Variants in RPS3 observed in about 807,000 individuals in gnomAD.
RPS3 encodes small ribosomal subunit protein uS3.
In RPS3, 2 loss-of-function variants were observed where a neutral mutation model predicts 25.8. The ratio of observed to expected loss-of-function variants is 0.08; its 90% CI spans 0.03 to 0.24. The LOEUF (loss-of-function observed/expected upper bound fraction) is 0.24, where lower values mean the gene tolerates loss of function less well. RPS3 is among the 10% of genes least tolerant of loss of function. The pLI is 1.00. For synonymous variants in RPS3, 114 were observed against 114.2 expected (o/e 1.00, Z 0.01); for missense variants, 107 against 307.1 (o/e 0.35, Z 4.87).
Position 75,419,349 on chromosome 11 carries a change from T to C in RPS3, c.*4-2378T>C, listed in dbSNP as rs996495039. Among the ~76,000 whole-genome samples the C allele has an allele frequency of 2.0e-5, 3 of 151,414 alleles. No homozygotes were observed. The South Asian group carries it at 6.3e-4, about 32-fold the overall frequency. On this transcript the variant is annotated intron_variant, in intron 6 of 6. Transcript: ENST00000527446. ...CGGGTGGATCACCTGAGGTCAGGAG[T>C]TTGAGACTAGCCTGACCAACATGGT...
rs559146240 is a variant in RPS3, at chr11:75,415,756, A to G, written c.*4-5971A>G. On this transcript the variant is annotated intron_variant, in intron 6 of 6. Transcript: ENST00000527446. ...GGGAGGCAGAGGTTGCGGTGAGCCG[A>G]TATCGTGCCACTGCACTCCAGCCTG... Among the ~76,000 whole-genome samples the G allele has an allele frequency of 1.7e-3, 249 of 147,776 alleles. 8 individuals are homozygous for G. In the South Asian group the frequency reaches 0.052, roughly 31 times the overall value.
chr11:75,408,039 A>G (rs934905032), downstream of RPS3, among the ~76,000 whole-genome samples: 2 of 152,238 alleles, frequency 1.3e-5, no homozygotes, highest in Non-Finnish European at 2.9e-5. Flanking sequence ...GAATTATTGG[A>G]AGAAAGTGCT....
At position 75,399,620 on chromosome 11, in the gene RPS3, C is replaced by G. The variant is rs768505909; in HGVS notation, c.30+43C>G. The G allele has an allele frequency of 1.3e-5, 20 of 1,590,586 alleles. No homozygotes were observed. The South Asian group carries it at 2.1e-4, about 17-fold the overall frequency. ...GGGTTCGGAGAACGACGGCGCCGCG[C>G]GGGTCGAGGGCTTCTCGGGGTGCCA... On this transcript the variant is annotated intron_variant, in intron 1 of 6. Coordinates refer to ENST00000531188, the MANE Select transcript of RPS3 (RefSeq NM_001005.5).
chr11:75,415,362 C>T (rs552039658), intron 6 of RPS3, among the ~76,000 whole-genome samples: 1 of 152,316 alleles, frequency 6.6e-6, no homozygotes, highest in East Asian at 1.9e-4. Context: ...TCTATTCCCT[C>T]TGTTTGGAGA....
At chr11:75,410,321 C>T (rs1434685835), downstream of RPS3, among the ~76,000 whole-genome samples, 4 of 150,898 alleles carry the variant, frequency 2.7e-5, no homozygotes, top group Admixed American at 1.3e-4. Flanking sequence ...ACGGGGCGGC[C>T]GGGCAGAGGC....
At chr11:75,414,952 G>A (rs546633676) in intron 6 of RPS3, among the ~76,000 whole-genome samples, 2 of 152,224 alleles carry the variant, frequency 1.3e-5, no homozygotes, top group Non-Finnish European at 2.9e-5. Context: ...AGCGTAATGT[G>A]ATAATCTGGA....
chr11:75,413,250 T>TA (rs371529214), intron 6 of RPS3, among the ~76,000 whole-genome samples: 56,918 of 124,600 alleles, frequency 0.46, 10,925 homozygotes, highest in African/African-American at 0.57. Context: ...TATATATATA[T>TA]TTTTTTTTTT....
At chr11:75,410,332 G>A (rs561533851), downstream of RPS3, among the ~76,000 whole-genome samples, 11 of 151,784 alleles carry the variant, frequency 7.2e-5, no homozygotes, top group African/African-American at 2.4e-4. Context: ...GGGCAGAGGC[G>A]CTCCTCACAT....
Position 75,404,156 on chromosome 11 carries a change from C to G in RPS3, c.487C>G (p.Pro163Ala). The G allele has an allele frequency of 6.2e-7, 1 of 1,614,108 alleles. No homozygotes were observed. Residue 163 changes from proline (P) to alanine (A), a missense_variant, in exon 5 of 7, where the codon CCT (proline) becomes GCT (alanine). By Grantham distance (27) the Pro-to-Ala change is conservative. Transcript: ENST00000531188. The surrounding 1 kb of genome is among the most constrained non-coding windows in gnomAD (Gnocchi z 4.6). Reference sequence around the variant, plus strand: ...TGGCCTGATGATCCACAGCGGAGACCCTGTTAACTACTACGTTGACACTGC... The same window carrying G: ...TGGCCTGATGATCCACAGCGGAGACGCTGTTAACTACTACGTTGACACTGC... ...VDGLMIHSGDPVNYYVDTAVR... is the reference protein window; with the variant it reads ...VDGLMIHSGDAVNYYVDTAVR...
intron 1 of RPS3, chr11:75,400,361 C>T (rs764490195): frequency 1.5e-5 from 8 of 524,038 alleles, no homozygotes; most frequent in South Asian, 9.8e-5. Context: ...AGAGCAGTTT[C>T]TTGTTTTGCA....
At chr11:75,407,116 C>T (rs570359514), downstream of RPS3, among the ~76,000 whole-genome samples, 1 of 152,254 alleles carries the variant, frequency 6.6e-6, no homozygotes, top group South Asian at 2.1e-4. Flanking sequence ...TTTGAAAGAG[C>T]CTTTGATGAT....
chr11:75,401,499 A>G lies in RPS3; in HGVS notation c.162-141A>G, dbSNP rs1948209436. On this transcript the variant is annotated intron_variant, in intron 2 of 6. Transcript: ENST00000531188. ...AGTGAGACCCTGTCTCAAAAAAAAA[A>G]GCTGCGTTTTAAAAATTTTAGTTTT... 9.5e-6 allele frequency: 6 copies of G among 631,124 alleles called. No individual in the cohort carries two copies. In the South Asian group the frequency reaches 1.2e-4, roughly 12 times the overall value. The allele number at this position is 631,124 out of a possible 1,614,324, so 39.1% of individuals were successfully genotyped here.
intron 6 of RPS3, among the ~76,000 whole-genome samples, chr11:75,415,930 C>T (rs766790053): frequency 1.4e-5 from 2 of 146,802 alleles, no homozygotes; most frequent in East Asian, 2.0e-4. Flanking sequence ...GAGCCGCGAT[C>T]GTGCCACTGC....
chr11:75,414,877 T>C (rs1360953183), intron 6 of RPS3, among the ~76,000 whole-genome samples: 1 of 152,126 alleles, frequency 6.6e-6, no homozygotes, highest in East Asian at 1.9e-4. Context: ...GGACAGTGGA[T>C]AAAGGGTTTT....
chr11:75,413,363 TCTC>T (rs1442810735), intron 6 of RPS3, among the ~76,000 whole-genome samples: 1 of 152,176 alleles, frequency 6.6e-6, no homozygotes, highest in Non-Finnish European at 1.5e-5. Context: ...TTCACGCCAT[TCTC>T]CTGCCTCAGC....
chr11:75,410,921 G>A (rs1156812823), downstream of RPS3, among the ~76,000 whole-genome samples: 1 of 152,204 alleles, frequency 6.6e-6, no homozygotes, highest in Non-Finnish European at 1.5e-5. Flanking sequence ...CTGTCACCCA[G>A]GCTGGAGTGC....
At position 75,404,938 on chromosome 11, in the gene RPS3, T is replaced by A; in HGVS notation, c.*3+70T>A. 1 of 1,010,512 alleles carries A rather than the reference T, an allele frequency of 9.9e-7. No individual in the cohort carries two copies. The allele number at this position is 1,010,512 out of a possible 1,614,324, so 62.6% of individuals were successfully genotyped here. A position where few individuals can be genotyped will look rare whatever the true frequency, so the allele number is the denominator to read the frequency against. On this transcript the variant is annotated intron_variant, in intron 6 of 6. Transcript: ENST00000531188. This position sits in a 1 kb window ranked among gnomAD's most constrained non-coding sequence, Gnocchi z 4.6. The stretch of plus-strand genomic sequence containing the variant: ...TTCCGAGTCTTTCTGTTAATACTTG[T>A]ATCCCACATTCTGGTAAGCGTTTGG...
chr11:75,400,228 T>A (rs1274409245), intron 1 of RPS3, among the ~76,000 whole-genome samples: 1 of 152,254 alleles, frequency 6.6e-6, no homozygotes, highest in Non-Finnish European at 1.5e-5. Context: ...TGGCTGGGAT[T>A]CTTTAGACGG....
At chr11:75,400,280 C>T in intron 1 of RPS3, 1 of 453,918 alleles carries the variant, frequency 2.2e-6, no homozygotes. Flanking sequence ...TATGTTAAGT[C>T]TACTATCTAT....
Sources: allele counts gnomAD v4.1 joint callset (sites outside exome capture counted in the v4.1 genomes callset), GRCh38; gene constraint gnomAD v4.1.1; non-coding constraint Gnocchi (gnomAD v3.1); transcripts MANE v1.5; gene names NCBI Gene and HGNC (gene_info 2026-07-23, HGNC 2026-07-21).